CHRNB4: variants seen among roughly 807,000 people sequenced by gnomAD.
CHRNB4 encodes cholinergic receptor nicotinic beta 4 subunit.
A neutral mutation model predicts 40.4 loss-of-function variants in CHRNB4; 23 were observed. That is an observed-to-expected ratio of 0.57 (90% CI 0.41 to 0.81). CHRNB4 has a LOEUF of 0.81. Among genes scored for constraint, CHRNB4 ranks in the 30% least tolerant of loss-of-function variants. The pLI, the probability that CHRNB4 is intolerant of heterozygous loss-of-function variation, is 0.00. For synonymous variants in CHRNB4, 285 were observed against 274.4 expected, an observed-to-expected ratio of 1.04 and a Z score of -0.38; for missense variants, 568 against 670.6, an observed-to-expected ratio of 0.85 and a Z score of 1.69.
intron 1 of CHRNB4, among the ~76,000 whole-genome samples, chr15:78,638,162 T>G (rs1443291759): frequency 6.6e-6 from 1 of 152,204 alleles, no homozygotes; most frequent in Non-Finnish European, 1.5e-5. Context: ...ACTAGGCTGG[T>G]CTGACAGGGC....
chr15:78,643,871 C>T (rs977648455), upstream of CHRNB4, among the ~76,000 whole-genome samples: 3 of 151,914 alleles, frequency 2.0e-5, no homozygotes, highest in African/African-American at 4.8e-5. Flanking sequence ...GATTCTAGGC[C>T]GGGCACGGTG....
At chr15:78,657,123 C>T (rs950197318) in intron 3 of CHRNB4, among the ~76,000 whole-genome samples, 2 of 151,834 alleles carry the variant, frequency 1.3e-5, no homozygotes, top group Admixed American at 1.3e-4. Context: ...CTCCTAGGTT[C>T]AAGTGCTTCT....
chr15:78,655,418 C>CTATATATCTATATCTA (rs142941051), intron 5 of CHRNB4: 86 of 148,056 alleles, frequency 5.8e-4, no homozygotes, highest in African/African-American at 1.8e-3. Context: ...CTATATATAT[C>CTATATATCTATATCTA]TATATATCTA....
At chr15:78,627,383 G>C (rs1849568798) in intron 5 of CHRNB4, 1 of 152,032 alleles carries the variant, frequency 6.6e-6, no homozygotes, top group Non-Finnish European at 1.5e-5. Flanking sequence ...TGCCGGTGCT[G>C]CTGGTCCAAG....
intron 5 of CHRNB4, among the ~76,000 whole-genome samples, chr15:78,628,563 G>T (rs185250068): frequency 7.2e-4 from 109 of 152,230 alleles, no homozygotes; most frequent in South Asian, 5.4e-3. Flanking sequence ...CTTCCAGGGG[G>T]GTGATCCTGA....
In CHRNB4 at chr15:78,629,204, C is replaced by A. The variant is rs78698827; in HGVS notation, c.1101G>T (p.Val367=). Reference sequence around the variant, plus strand: ...AGGTGGCGGTGGCCTCGGGCTTGGTCACGCATGACTTGCTGGGCGGGAAGG... The same window carrying A: ...AGGTGGCGGTGGCCTCGGGCTTGGTAACGCATGACTTGCTGGGCGGGAAGG... ...ARAFPPSKSC[V]TKPEATATST... is the part of the protein sequence containing the mutation. The change falls in exon 5 of 6, where the codon GTG becomes GTT. Residue 367 remains valine, a synonymous_variant. Coordinates refer to ENST00000261751, the MANE Select transcript of CHRNB4 (RefSeq NM_000750.5). The surrounding 1 kb of genome is among the most constrained non-coding windows in gnomAD (Gnocchi z 6.8). 2.4e-4 allele frequency: 390 copies of A among 1,613,622 alleles called. No individual in the cohort carries two copies. Among genetic ancestry groups the A allele is most frequent in the Non-Finnish European group, 3.1e-4 (370 of 1,179,802 alleles).
In CHRNB4 at chr15:78,629,546, G is replaced by A. The variant is rs183620637; in HGVS notation, c.759C>T (p.Val253=). 3.7e-6 allele frequency: 6 copies of A among 1,614,178 alleles called. No homozygotes were observed. The East Asian group carries it at 1.1e-4, about 30-fold the overall frequency. ...CVLTTLLAIL[V]FYLPSDCGEK... is the part of the protein sequence containing the mutation. ...CGCCGCAGTCGGATGGCAGGTAGAA[G>A]ACGAGGATGGCCAGCAAGGTGGTGA... The change falls in exon 5 of 6, where the codon GTC becomes GTT. Residue 253 remains valine (V), a synonymous_variant. Transcript: ENST00000261751. The surrounding 1 kb of genome is among the most constrained non-coding windows in gnomAD (Gnocchi z 6.8).
chr15:78,644,162 CAA>C (rs200373615), upstream of CHRNB4, among the ~76,000 whole-genome samples: 42 of 116,316 alleles, frequency 3.6e-4, no homozygotes, highest in Middle Eastern at 0.015. Context: ...GACTCTGTCT[CAA>C]AAAAAAAAAA....
intron 1 of CHRNB4, 54 bp from the exon 2 acceptor site, chr15:78,635,641 G>T: frequency 1.2e-6 from 2 of 1,602,016 alleles, no homozygotes; most frequent in Non-Finnish European, 1.7e-6. Context: ...GACCCCCACT[G>T]CAGCCTGTGG....
intron 5 of CHRNB4, chr15:78,655,428 AT>A (rs939645652): frequency 1.4e-5 from 2 of 139,412 alleles, no homozygotes; most frequent in African/African-American, 5.3e-5. Flanking sequence ...CTATATATCT[AT>A]ATCTATATAT....
At chr15:78,635,402 C>T (rs1360776151) in intron 2 of CHRNB4, 37 bp downstream of exon 2, 3 of 1,605,558 alleles carry the variant, frequency 1.9e-6, no homozygotes, top group Admixed American at 1.7e-5. Context: ...GCGGCCTCTC[C>T]ACCTGAGCCT....
At chr15:78,634,037 T>C (rs1018553035) in intron 2 of CHRNB4, among the ~76,000 whole-genome samples, 4 of 152,188 alleles carry the variant, frequency 2.6e-5, no homozygotes, top group Admixed American at 6.5e-5. Flanking sequence ...CCTAAATCCC[T>C]ACCTGCTCTC....
intron 5 of CHRNB4, chr15:78,626,384 G>GTGTGTGTT (rs35851650): frequency 0.094 from 8,150 of 86,636 alleles, 281 homozygotes; most frequent in Admixed American, 0.12. Flanking sequence ...GTGTGTGTGT[G>GTGTGTGTT]TTTCCCCCTT....
intron 1 of CHRNB4, among the ~76,000 whole-genome samples, chr15:78,659,619 GCAGA>G (rs2054237479): frequency 6.6e-6 from 1 of 152,152 alleles, no homozygotes; most frequent in Admixed American, 6.5e-5. Context: ...AATATTATAG[GCAGA>G]CAGAGTAGGA....
intron 1 of CHRNB4, among the ~76,000 whole-genome samples, chr15:78,658,995 T>C (rs191486711): frequency 8.6e-4 from 131 of 152,340 alleles, no homozygotes; most frequent in African/African-American, 3.1e-3. Context: ...TATTACTTTA[T>C]TCACATACAT....
At position 78,632,265 on chromosome 15, in the gene CHRNB4, T is replaced by C. The variant is rs1349470676; in HGVS notation, c.205-933A>G. Among the ~76,000 whole-genome samples, 73 of 97,850 alleles carry C rather than the reference T, an allele frequency of 7.5e-4. 1 individual carries two copies. The highest frequency in any genetic ancestry group is 2.7e-3 in the African/African-American group (70 of 25,914). The allele number at this position is 97,850 out of a possible 152,430, so 64.2% of individuals were successfully genotyped here. On this transcript the variant is annotated intron_variant, in intron 2 of 5. Coordinates refer to ENST00000261751, the MANE Select transcript of CHRNB4 (RefSeq NM_000750.5). ...TCTCTCTCTCTCTCTCTTTCTTTCTTTCTTTCTTTCTTTCTCCCTTTCTTT... is the reference window on the plus strand; with the variant it reads ...TCTCTCTCTCTCTCTCTTTCTTTCTCTCTTTCTTTCTTTCTCCCTTTCTTT...
chr15:78,648,685 G>A (rs1419444864), intron 7 of CHRNB4, among the ~76,000 whole-genome samples: 3 of 150,028 alleles, frequency 2.0e-5, no homozygotes, highest in East Asian at 2.0e-4. Context: ...CCCGGGAGGC[G>A]GAAGTTGCAG....
chr15:78,629,868 G>A lies in CHRNB4; in HGVS notation c.437C>T (p.Pro146Leu). 6.2e-7 allele frequency: 1 copy of A among 1,613,646 alleles called. No individual in the cohort carries two copies. Among genetic ancestry groups the A allele is most frequent in the Non-Finnish European group, 8.5e-7 (1 of 1,179,952 alleles). Reference protein sequence around the residue: ...RSNGSVLWLPPAIYKSACKIE... With the variant: ...RSNGSVLWLPLAIYKSACKIE... The stretch of plus-strand genomic sequence containing the variant: ...CTTGCAGGCGCTCTTGTAGATGGCA[G>A]GGGGCAGCCACAGGACGCTGCCGTT... Residue 146 changes from proline (P) to leucine (L), a missense_variant, in exon 5 of 6, where the codon CCT becomes CTT. By Grantham distance (98) the Pro-to-Leu change is moderately conservative (BLOSUM62 -3). This residue lies in a region of CHRNB4 where 127 missense variants were observed against 167.4 expected (regional missense o/e 0.76). Transcript: ENST00000261751. This position sits in a 1 kb window ranked among gnomAD's most constrained non-coding sequence, Gnocchi z 6.8.
intron 4 of CHRNB4, among the ~76,000 whole-genome samples, chr15:78,630,296 G>A (rs2869548): frequency 0.26 from 38,821 of 151,660 alleles, 6,492 homozygotes; most frequent in Middle Eastern, 0.39. Context: ...GCGCCACCAC[G>A]CCCGGCTAAT....
Sources: allele counts gnomAD v4.1 joint callset (sites outside exome capture counted in the v4.1 genomes callset), GRCh38; gene constraint gnomAD v4.1.1; regional missense constraint gnomAD v4.1.1; non-coding constraint Gnocchi (gnomAD v3.1); transcripts MANE v1.5; gene names NCBI Gene and HGNC (gene_info 2026-07-23, HGNC 2026-07-21).